Variants in HAO1 observed in about 807,000 individuals in gnomAD.
The protein encoded by HAO1 is 2-Hydroxyacid oxidase 1.
Under a neutral mutation model 39.7 loss-of-function variants are expected in HAO1, and 34 were observed. The observed-to-expected ratio is 0.86, with a 90% CI of 0.65 to 1.14. HAO1 has a LOEUF of 1.14. Among genes scored for constraint, HAO1 ranks in the 50% most tolerant of loss-of-function variants. The pLI, the probability that HAO1 is intolerant of heterozygous loss-of-function variation, is 0.00. For synonymous variants in HAO1, 172 were observed against 173.2 expected (o/e 0.99, Z 0.05); for missense variants, 479 against 464.5 (o/e 1.03, Z -0.29).
chr20:7,906,567 CACAA>C (rs1304315161), intron 3 of HAO1, among the ~76,000 whole-genome samples: 1 of 151,924 alleles, frequency 6.6e-6, no homozygotes, highest in Non-Finnish European at 1.5e-5. Flanking sequence ...GCTGTGTTTA[CACAA>C]ACAAATCTGT....
intron 2 of HAO1, among the ~76,000 whole-genome samples, chr20:7,930,521 G>A (rs534437207): frequency 1.3e-5 from 2 of 152,258 alleles, no homozygotes; most frequent in South Asian, 4.1e-4. Context: ...ATGACACAGA[G>A]ATGTGAGAGC....
intron 5 of HAO1, among the ~76,000 whole-genome samples, chr20:7,890,655 A>G (rs1307072330): frequency 6.6e-6 from 1 of 152,166 alleles, no homozygotes; most frequent in East Asian, 1.9e-4. Flanking sequence ...TCACCTAAGC[A>G]GTATACACTG....
chr20:7,917,201 G>A (rs7345525), intron 2 of HAO1, among the ~76,000 whole-genome samples: 8 of 152,166 alleles, frequency 5.3e-5, no homozygotes, highest in African/African-American at 1.4e-4. Flanking sequence ...TTAGCTGGGC[G>A]TAGTGGCGCA....
At chr20:7,931,717 C>A (rs746133296) in intron 2 of HAO1, among the ~76,000 whole-genome samples, 1 of 152,098 alleles carries the variant, frequency 6.6e-6, no homozygotes, top group African/African-American at 2.4e-5. Flanking sequence ...GTCCTACTTA[C>A]ACTGTCAAAT....
At chr20:7,929,978 C>T (rs528660670) in intron 2 of HAO1, among the ~76,000 whole-genome samples, 1 of 152,286 alleles carries the variant, frequency 6.6e-6, no homozygotes, top group East Asian at 1.9e-4. Flanking sequence ...CTGAATAAAT[C>T]TGGAGAGTCA....
chr20:7,896,252 A>G (rs898846830), intron 4 of HAO1, among the ~76,000 whole-genome samples: 8 of 152,312 alleles, frequency 5.3e-5, no homozygotes, highest in African/African-American at 1.9e-4. Flanking sequence ...ACCATTTGCT[A>G]AAAGAATCAT....
intron 3 of HAO1, among the ~76,000 whole-genome samples, chr20:7,909,360 C>CATATATATATATATATGTAT: frequency 9.2e-6 from 1 of 109,090 alleles, no homozygotes; most frequent in Admixed American, 9.1e-5. Flanking sequence ...CGGATTATGA[C>CATATATATATATATATGTAT]ATATATATAT....
intron 4 of HAO1, among the ~76,000 whole-genome samples, chr20:7,904,263 C>A (rs919945155): frequency 2.0e-5 from 3 of 152,128 alleles, no homozygotes; most frequent in African/African-American, 7.2e-5. Flanking sequence ...ACAATTATCT[C>A]TTTTCTGGGC....
At chr20:7,889,785 T>G (rs1484293277) in intron 5 of HAO1, among the ~76,000 whole-genome samples, 2 of 152,310 alleles carry the variant, frequency 1.3e-5, no homozygotes, top group South Asian at 4.1e-4. Flanking sequence ...TTCATATTGT[T>G]GTCCACTTTC....
intron 1 of HAO1, among the ~76,000 whole-genome samples, chr20:7,936,059 C>G (rs766126863): frequency 5.3e-5 from 8 of 152,068 alleles, no homozygotes; most frequent in African/African-American, 1.7e-4. Context: ...CTTCCTGTAG[C>G]GGAAGAAGAA....
intron 2 of HAO1, among the ~76,000 whole-genome samples, chr20:7,929,513 T>G (rs1320298185): frequency 6.6e-6 from 1 of 152,136 alleles, no homozygotes; most frequent in Non-Finnish European, 1.5e-5. Context: ...CATCATCATT[T>G]TGAAAATGAA....
chr20:7,931,408 G>T (rs1187403489), intron 2 of HAO1, among the ~76,000 whole-genome samples: 1 of 152,106 alleles, frequency 6.6e-6, no homozygotes, highest in Admixed American at 6.6e-5. Context: ...GTGGTGAGGA[G>T]CCCAGATTCT....
intron 2 of HAO1, among the ~76,000 whole-genome samples, chr20:7,920,510 A>G (rs1169989675): frequency 1.3e-5 from 2 of 152,168 alleles, no homozygotes; most frequent in Non-Finnish European, 2.9e-5. Flanking sequence ...ACAATAGATC[A>G]CTAAAACCTA....
At chr20:7,890,568 A>C (rs1013926743) in intron 5 of HAO1, among the ~76,000 whole-genome samples, 1 of 151,938 alleles carries the variant, frequency 6.6e-6, no homozygotes, top group African/African-American at 2.4e-5. Context: ...ATTTTCCATA[A>C]GTTATTGGGG....
At chr20:7,923,381 G>A (rs1305034551) in intron 2 of HAO1, among the ~76,000 whole-genome samples, 1 of 152,114 alleles carries the variant, frequency 6.6e-6, no homozygotes, top group African/African-American at 2.4e-5. Flanking sequence ...TCTGATCCAG[G>A]TAATCTGGAT....
At position 7,894,049 on chromosome 20, in the gene HAO1, A is replaced by G. The variant is rs985291260; in HGVS notation, c.813+1084T>C. Among the ~76,000 whole-genome samples, 69 of 152,202 alleles carry G rather than the reference A, an allele frequency of 4.5e-4. 1 individual carries two copies. Among genetic ancestry groups the G allele is most frequent in the African/African-American group, 1.6e-3 (65 of 41,448 alleles). On this transcript the variant is annotated intron_variant, in intron 5 of 7. Transcript: ENST00000378789. Reference sequence around the variant, plus strand: ...AGAGCAGAAGCAAAAAATATCTGCAACATCATTGCTCCATCTACAAGAGGC... The same window carrying G: ...AGAGCAGAAGCAAAAAATATCTGCAGCATCATTGCTCCATCTACAAGAGGC...
At chr20:7,909,219 CTTG>C (rs1600112223) in intron 3 of HAO1, among the ~76,000 whole-genome samples, 2 of 151,580 alleles carry the variant, frequency 1.3e-5, no homozygotes, top group Admixed American at 1.3e-4. Flanking sequence ...ACAATGAAGC[CTTG>C]TTGTTACTCT....
intron 2 of HAO1, among the ~76,000 whole-genome samples, chr20:7,930,802 T>C (rs6516330): frequency 0.013 from 1,992 of 152,234 alleles, 39 homozygotes; most frequent in African/African-American, 0.043. Flanking sequence ...AACACACCTA[T>C]CCATGGGCTC....
At position 7,914,401 on chromosome 20, in the gene HAO1, G is replaced by A. The variant is rs778053217; in HGVS notation, c.308C>T (p.Thr103Met). 32 of 1,613,494 alleles carry A rather than the reference G, an allele frequency of 2.0e-5. No homozygotes were observed. Among genetic ancestry groups the A allele is most frequent in the Admixed American group, 5.0e-5 (3 of 59,980 alleles). ...ATVRACQSLG[T>M]GMMLSSWATS... ...GGCCCAGGAACTCAACATCATGCCC[G>A]TTCCCAGGGACTGACAGGCTGAGAA... Residue 103 changes from threonine to methionine, a missense_variant, in exon 3 of 8, where the codon ACG becomes ATG. Thr to Met is a moderately conservative substitution (Grantham distance 81). Transcript: ENST00000378789.
Sources: allele counts gnomAD v4.1 joint callset (sites outside exome capture counted in the v4.1 genomes callset), GRCh38; gene constraint gnomAD v4.1.1; transcripts MANE v1.5; gene names NCBI Gene and HGNC (gene_info 2026-07-23, HGNC 2026-07-21).